IMMP2L: variants seen among roughly 807,000 people sequenced by gnomAD.
IMMP2L encodes the protein mitochondrial inner membrane protease subunit 2.
IMMP2L carries 18 observed loss-of-function variants against 19.3 expected under a neutral mutation model. The ratio of observed to expected loss-of-function variants is 0.93; its 90% CI spans 0.64 to 1.38. The LOEUF (loss-of-function observed/expected upper bound fraction) is 1.38. Among genes scored for constraint, IMMP2L ranks in the 40% most tolerant of loss-of-function variants. The pLI, the probability that IMMP2L is intolerant of heterozygous loss-of-function variation, is 0.00. For missense variants in IMMP2L, 233 were observed against 218.2 expected (o/e 1.07, Z -0.43); for synonymous variants, 76 against 73.0 (o/e 1.04, Z -0.21).
chr7:111,436,614 T>C (rs1043970434), intron 3 of IMMP2L, among the ~76,000 whole-genome samples: 3 of 151,772 alleles, frequency 2.0e-5, no homozygotes, highest in Non-Finnish European at 4.4e-5. Flanking sequence ...AACCCAAAAA[T>C]TTTTAAGCCC....
chr7:110,910,582 T>C (rs918221153), intron 4 of IMMP2L, among the ~76,000 whole-genome samples: 1 of 152,254 alleles, frequency 6.6e-6, no homozygotes. Context: ...TTTGTTATCA[T>C]ATTATTACAT....
rs189777873 is a variant in IMMP2L at position 110,737,993 on chromosome 7, T to C, written c.409-74272A>G. ...ACAGTTCAGCTTTCAGGAATCCCCATTCATAGGGGAAGGGGGAGAACACCC... is the reference window on the plus strand; with the variant it reads ...ACAGTTCAGCTTTCAGGAATCCCCACTCATAGGGGAAGGGGGAGAACACCC... On this transcript the variant is annotated intron_variant, in intron 5 of 5. Coordinates refer to ENST00000405709, the MANE Select transcript of IMMP2L (RefSeq NM_032549.4). Among the ~76,000 whole-genome samples the C allele has an allele frequency of 1.2e-3, 179 of 152,166 alleles. 1 individual carries two copies. The highest frequency in any genetic ancestry group is 4.1e-3 in the African/African-American group (172 of 41,528).
chr7:110,687,100 A>G (rs567411838), intron 5 of IMMP2L, among the ~76,000 whole-genome samples: 1 of 152,202 alleles, frequency 6.6e-6, no homozygotes, highest in Admixed American at 6.5e-5. Context: ...CTTCTTCGCT[A>G]AAATACAAAC....
At chr7:111,145,247 T>C (rs1050312683) in intron 3 of IMMP2L, among the ~76,000 whole-genome samples, 1 of 152,114 alleles carries the variant, frequency 6.6e-6, no homozygotes, top group African/African-American at 2.4e-5. Flanking sequence ...TGTGAACATA[T>C]GCACATAAGT....
chr7:111,049,932 C>T (rs188437015), intron 3 of IMMP2L, among the ~76,000 whole-genome samples: 1 of 152,318 alleles, frequency 6.6e-6, no homozygotes, highest in East Asian at 1.9e-4. Context: ...GAGATGCCAT[C>T]TGAGAGCACA....
chr7:110,831,808 G>A (rs1357583541), intron 5 of IMMP2L, among the ~76,000 whole-genome samples: 2 of 152,176 alleles, frequency 1.3e-5, no homozygotes, highest in East Asian at 1.9e-4. Context: ...TTTATTCAGA[G>A]GTACCCAGGT....
chr7:110,754,900 G>A (rs551356145), intron 5 of IMMP2L, among the ~76,000 whole-genome samples: 69 of 150,454 alleles, frequency 4.6e-4, no homozygotes, highest in Non-Finnish European at 8.3e-4. Context: ...GTTACAGCAC[G>A]TTCTATTTTT....
chr7:111,511,908 G>A (rs185972863), intron 2 of IMMP2L, among the ~76,000 whole-genome samples: 33 of 152,190 alleles, frequency 2.2e-4, no homozygotes, highest in African/African-American at 7.7e-4. Flanking sequence ...AGGTGTCAAA[G>A]AGGTGGAATG....
At chr7:110,943,698 G>A (rs796299004) in intron 4 of IMMP2L, among the ~76,000 whole-genome samples, 4 of 152,088 alleles carry the variant, frequency 2.6e-5, no homozygotes, top group African/African-American at 7.2e-5. Flanking sequence ...TCTATTAACT[G>A]CAGGCTATTG....
At chr7:111,539,449 T>C (rs1848326301) in intron 1 of IMMP2L, among the ~76,000 whole-genome samples, 1 of 152,074 alleles carries the variant, frequency 6.6e-6, no homozygotes, top group African/African-American at 2.4e-5. Flanking sequence ...AGAATTTTTT[T>C]CCCAATTAAC....
chr7:111,327,339 C>T (rs949940870), intron 3 of IMMP2L, among the ~76,000 whole-genome samples: 6 of 151,598 alleles, frequency 4.0e-5, no homozygotes, highest in African/African-American at 1.5e-4. Flanking sequence ...AAATAGAATG[C>T]CTCATTTAAC....
chr7:111,069,310 A>G (rs73418043), intron 3 of IMMP2L, among the ~76,000 whole-genome samples: 19,947 of 152,096 alleles, frequency 0.13, 1,880 homozygotes, highest in African/African-American at 0.26. Context: ...AATGTTGTTT[A>G]TCTGACATAT....
At chr7:111,071,858 T>G (rs762420274) in intron 3 of IMMP2L, among the ~76,000 whole-genome samples, 1 of 152,204 alleles carries the variant, frequency 6.6e-6, no homozygotes, top group Admixed American at 6.5e-5. Context: ...ATTTATACAT[T>G]GTACATTTAT....
In IMMP2L at chr7:110,905,232, T is replaced by C. The variant is rs953597719; in HGVS notation, c.306-18537A>G. Among the ~76,000 whole-genome samples the C allele has an allele frequency of 5.3e-5, 8 of 152,304 alleles. No individual in the cohort carries two copies. In the East Asian group the frequency reaches 1.2e-3, roughly 22 times the overall value. On this transcript the variant is annotated intron_variant, in intron 4 of 5. Transcript: ENST00000405709. ...AAAATTTTGCAAGATTCCCTTGTCATATGACTTCCATCCTCAGCACTACAA... is the reference window on the plus strand; with the variant it reads ...AAAATTTTGCAAGATTCCCTTGTCACATGACTTCCATCCTCAGCACTACAA...
intron 3 of IMMP2L, among the ~76,000 whole-genome samples, chr7:111,383,719 T>C (rs1179751081): frequency 6.6e-6 from 1 of 152,116 alleles, no homozygotes; most frequent in Admixed American, 6.6e-5. Flanking sequence ...ACCTTGAACC[T>C]CCAAAAACCC....
intron 5 of IMMP2L, among the ~76,000 whole-genome samples, chr7:110,804,513 G>T (rs573064438): frequency 6.6e-6 from 1 of 151,908 alleles, no homozygotes; most frequent in Non-Finnish European, 1.5e-5. Context: ...AATGCACACC[G>T]AGTCCTGTGG....
intron 3 of IMMP2L, among the ~76,000 whole-genome samples, chr7:111,280,198 A>T (rs910010760): frequency 6.6e-6 from 1 of 152,142 alleles, no homozygotes; most frequent in Admixed American, 6.5e-5. Flanking sequence ...TTTAGCTGTC[A>T]CAGCCTCCTT....
chr7:111,076,251 G>C (rs1287830268), intron 3 of IMMP2L, among the ~76,000 whole-genome samples: 1 of 152,130 alleles, frequency 6.6e-6, no homozygotes, highest in Non-Finnish European at 1.5e-5. Flanking sequence ...CAGCCCTACT[G>C]AATCAGAATC....
At chr7:110,753,695 A>G (rs1797869585) in intron 5 of IMMP2L, among the ~76,000 whole-genome samples, 1 of 151,934 alleles carries the variant, frequency 6.6e-6, no homozygotes, top group African/African-American at 2.4e-5. Context: ...AAAGCAGCCA[A>G]AGAGAAATGG....
Sources: allele counts gnomAD v4.1 joint callset (sites outside exome capture counted in the v4.1 genomes callset), GRCh38; gene constraint gnomAD v4.1.1; transcripts MANE v1.5; gene names NCBI Gene and HGNC (gene_info 2026-07-23, HGNC 2026-07-21).